The following PACRG variants were observed in gnomAD, a reference collection of about 807,000 sequenced individuals.
PACRG encodes parkin coregulated.
PACRG carries 29 observed loss-of-function variants against 29.7 expected under a neutral mutation model. That is an observed-to-expected ratio of 0.98 (90% CI 0.73 to 1.33). The LOEUF (loss-of-function observed/expected upper bound fraction) is 1.33. PACRG is among the 40% of genes most tolerant of loss of function. The pLI is 0.00. For synonymous variants in PACRG, 116 were observed against 118.7 expected, an observed-to-expected ratio of 0.98 and a Z score of 0.15; for missense variants, 279 against 316.2, an observed-to-expected ratio of 0.88 and a Z score of 0.89.
chr6:163,124,568 T>C lies in PACRG; in HGVS notation c.613+35160T>C, dbSNP rs563217740. On this transcript the variant is annotated intron_variant, in intron 4 of 4. Coordinates refer to ENST00000366888, the MANE Select transcript of PACRG (RefSeq NM_001080379.2). The stretch of plus-strand genomic sequence containing the variant: ...TTTATTTTATTTTTCTTAAGAACTT[T>C]TTGGAAAAGAGGCTGAGGAGGTTAG... Among the ~76,000 whole-genome samples, 9 of 152,320 alleles carry C rather than the reference T, an allele frequency of 5.9e-5. No individual in the cohort carries two copies. In the South Asian group the frequency reaches 1.9e-3, roughly 32 times the overall value.
chr6:163,197,712 G>A (rs1253286892), intron 4 of PACRG, among the ~76,000 whole-genome samples: 5 of 151,848 alleles, frequency 3.3e-5, no homozygotes. Context: ...GCCTCCCAAA[G>A]TTTTGGGCTT....
intron 4 of PACRG, among the ~76,000 whole-genome samples, chr6:163,186,359 G>A (rs994651718): frequency 1.3e-5 from 2 of 152,048 alleles, no homozygotes; most frequent in African/African-American, 4.8e-5. Context: ...GAATTCTCTC[G>A]TGTGCCCCCT....
rs542773331 is a variant in PACRG, at chr6:162,809,020, T to C, written c.157-5127T>C. Among the ~76,000 whole-genome samples, 9 of 152,152 alleles carry C rather than the reference T, an allele frequency of 5.9e-5. No homozygotes were observed. The South Asian group carries it at 1.7e-3, about 28-fold the overall frequency. ...CCAGAATTAATTATATTTCGCTTGA[T>C]TTTTTTTATGTACAGATGTTTAGGA... On this transcript the variant is annotated intron_variant, in intron 1 of 4. Transcript: ENST00000366888.
intron 4 of PACRG, among the ~76,000 whole-genome samples, chr6:163,177,809 TC>T (rs1779456607): frequency 7.0e-6 from 1 of 141,918 alleles, no homozygotes; most frequent in African/African-American, 2.6e-5. Context: ...CTGTGCAGGT[TC>T]CATTCCAAGC....
chr6:163,085,566 T>C (rs993992385), intron 3 of PACRG, among the ~76,000 whole-genome samples: 1 of 152,218 alleles, frequency 6.6e-6, no homozygotes, highest in Non-Finnish European at 1.5e-5. Flanking sequence ...ATCTTTCTAC[T>C]ATCTCTTGAA....
chr6:163,270,001 AAGAAAGG>A (rs1783761875), intron 4 of PACRG, among the ~76,000 whole-genome samples: 4 of 121,572 alleles, frequency 3.3e-5, no homozygotes, highest in Admixed American at 2.3e-4. Flanking sequence ...GAAAGAAAGA[AAGAAAGG>A]AGGGAGGGAG....
chr6:162,783,764 C>G (rs539738025), intron 1 of PACRG, among the ~76,000 whole-genome samples: 81 of 152,036 alleles, frequency 5.3e-4, no homozygotes, highest in Non-Finnish European at 1.0e-3. Flanking sequence ...ATTTTGAGAC[C>G]TATTGTTAAA....
At chr6:163,297,433 A>G (rs181164039) in intron 4 of PACRG, among the ~76,000 whole-genome samples, 53 of 152,300 alleles carry the variant, frequency 3.5e-4, no homozygotes, top group African/African-American at 1.3e-3. Flanking sequence ...ACCTTCAATA[A>G]GAACAAATAC....
At chr6:162,828,779 CT>C (rs1374803948) in intron 2 of PACRG, among the ~76,000 whole-genome samples, 3 of 151,992 alleles carry the variant, frequency 2.0e-5, no homozygotes, top group Non-Finnish European at 2.9e-5. Flanking sequence ...ATAATTTGCC[CT>C]GTTTAAAATG....
At chr6:162,936,209 A>G (rs1798223789) in intron 2 of PACRG, among the ~76,000 whole-genome samples, 1 of 152,276 alleles carries the variant, frequency 6.6e-6, no homozygotes. Context: ...CACCCCCATG[A>G]TTCAATTGTC....
chr6:162,936,624 A>G (rs547709591), intron 2 of PACRG, among the ~76,000 whole-genome samples: 1 of 152,228 alleles, frequency 6.6e-6, no homozygotes, highest in East Asian at 1.9e-4. Context: ...TCCCTTGCCA[A>G]TTTATTGTTT....
intron 4 of PACRG, among the ~76,000 whole-genome samples, chr6:163,228,478 T>C (rs1781897772): frequency 6.6e-6 from 1 of 151,906 alleles, no homozygotes; most frequent in Non-Finnish European, 1.5e-5. Context: ...AATTCATTAA[T>C]TCATTCAAAA....
chr6:162,867,528 C>T (rs1792400517), intron 2 of PACRG, among the ~76,000 whole-genome samples: 1 of 152,126 alleles, frequency 6.6e-6, no homozygotes, highest in South Asian at 2.1e-4. Flanking sequence ...CTGTATTATG[C>T]AGAGCAAGGG....
intron 4 of PACRG, among the ~76,000 whole-genome samples, chr6:163,125,944 C>A (rs974971557): frequency 6.6e-6 from 1 of 152,182 alleles, no homozygotes; most frequent in Non-Finnish European, 1.5e-5. Flanking sequence ...GAAAAAGGAG[C>A]ACAGTTTATT....
At chr6:163,211,983 G>T (rs6907701) in intron 4 of PACRG, among the ~76,000 whole-genome samples, 2 of 151,960 alleles carry the variant, frequency 1.3e-5, no homozygotes, top group African/African-American at 4.8e-5. Flanking sequence ...GAAGACATCT[G>T]TGTGGTTGGG....
chr6:162,854,956 C>G (rs965110563), intron 2 of PACRG, among the ~76,000 whole-genome samples: 6 of 152,220 alleles, frequency 3.9e-5, no homozygotes, highest in Non-Finnish European at 7.3e-5. Flanking sequence ...TGCGCTCTTC[C>G]TAGAGCAGCC....
Position 163,055,501 on chromosome 6 carries a change from AT to A in PACRG, c.292-6648del, listed in dbSNP as rs1301746902. Among the ~76,000 whole-genome samples, 1 of 152,218 alleles carries A rather than the reference AT, an allele frequency of 6.6e-6. No homozygotes were observed. Among genetic ancestry groups the A allele is most frequent in the African/African-American group, 2.4e-5 (1 of 41,452 alleles). ...ATCCACTGAAAACAAAATTATTATAATAAAAAGGAACCCTGGAAGATATGTA... is the reference window on the plus strand; with the variant it reads ...ATCCACTGAAAACAAAATTATTATAAAAAAAGGAACCCTGGAAGATATGTA... On this transcript the variant is annotated intron_variant, in intron 2 of 4. Coordinates refer to ENST00000366888, the MANE Select transcript of PACRG (RefSeq NM_001080379.2). The surrounding 1 kb of genome is among the most constrained non-coding windows in gnomAD (Gnocchi z 4.0).
At chr6:163,073,563 A>G (rs1812271422) in intron 3 of PACRG, among the ~76,000 whole-genome samples, 1 of 152,222 alleles carries the variant, frequency 6.6e-6, no homozygotes, top group South Asian at 2.1e-4. Context: ...ACAGGCAACC[A>G]AAGCAAAAAT....
intron 2 of PACRG, among the ~76,000 whole-genome samples, chr6:162,922,766 G>C (rs1361515519): frequency 6.6e-6 from 1 of 152,094 alleles, no homozygotes; most frequent in Non-Finnish European, 1.5e-5. Context: ...TTTTATGGCT[G>C]AATAGTATCC....
Sources: gnomAD v4.1 joint callset for allele counts (sites outside exome capture counted in the v4.1 genomes callset) on GRCh38, gnomAD v4.1.1 for gene constraint, Gnocchi (gnomAD v3.1) non-coding constraint, MANE v1.5 for transcripts, NCBI Gene and HGNC (gene_info 2026-07-23, HGNC 2026-07-21) for gene names.